Variants in ZFAT observed in about 807,000 individuals in gnomAD.
ZFAT encodes the protein zinc finger and AT-hook domain containing.
A neutral mutation model predicts 117.7 loss-of-function variants in ZFAT; 64 were observed. The observed-to-expected ratio is 0.54, with a 90% CI of 0.44 to 0.67. The LOEUF is 0.67. Among genes scored for constraint, ZFAT ranks in the 30% least tolerant of loss-of-function variants. The probability of loss-of-function intolerance (pLI) is 0.00; values close to 1 mark genes in which losing one functional copy is unlikely to be tolerated. For synonymous variants in ZFAT, 679 were observed against 615.0 expected, an observed-to-expected ratio of 1.10 and a Z score of -1.54; for missense variants, 1,433 against 1,584.5, an observed-to-expected ratio of 0.90 and a Z score of 1.62.
intron 11 of ZFAT, among the ~76,000 whole-genome samples, chr8:134,537,899 C>T (rs1254251782): frequency 6.6e-6 from 1 of 152,192 alleles, no homozygotes; most frequent in Admixed American, 6.5e-5. Flanking sequence ...AGGATGAATC[C>T]CAAGCTTCCA....
At chr8:134,735,359 A>C in the ZFAT span, among the ~76,000 whole-genome samples, 12 of 152,278 alleles carry the variant, frequency 7.9e-5, no homozygotes, top group Admixed American at 5.9e-4. Context: ...AAGCTTACAC[A>C]TGGGAAGTAG....
chr8:134,781,111 T>C, the ZFAT span, among the ~76,000 whole-genome samples: 14 of 152,146 alleles, frequency 9.2e-5, no homozygotes, highest in Non-Finnish European at 2.1e-4. Flanking sequence ...AAACTTTATA[T>C]ACTAGAAATC....
At chr8:134,776,019 T>G in the ZFAT span, among the ~76,000 whole-genome samples, 1 of 152,256 alleles carries the variant, frequency 6.6e-6, no homozygotes. Context: ...ATCTTTATGA[T>G]AGCCAAAGCT....
chr8:134,587,195 A>G (rs1268438524), intron 9 of ZFAT, among the ~76,000 whole-genome samples: 2 of 152,110 alleles, frequency 1.3e-5, no homozygotes, highest in African/African-American at 2.4e-5. Flanking sequence ...GACACAAAGC[A>G]CCCAGTCCAT....
the ZFAT span, among the ~76,000 whole-genome samples, chr8:134,789,364 T>G: frequency 6.6e-6 from 1 of 152,208 alleles, no homozygotes; most frequent in African/African-American, 2.4e-5. Flanking sequence ...TCCTTCAAAT[T>G]TACCCACATA....
In ZFAT at chr8:134,589,636, G is replaced by A. The variant is rs192566653; in HGVS notation, c.2563+632C>T. On this transcript the variant is annotated intron_variant, in intron 8 of 15. Transcript: ENST00000377838. ...CAGTGACTTGAGCACAGCGGTCAGT[G>A]CGCCCTGTGTGACGTTAGCAGGGGT... Among the ~76,000 whole-genome samples, 28 of 152,318 alleles carry A rather than the reference G, an allele frequency of 1.8e-4. No homozygotes were observed. The East Asian group carries it at 5.2e-3, about 28-fold the overall frequency.
chr8:134,560,713 T>C (rs574761005), intron 11 of ZFAT, among the ~76,000 whole-genome samples: 12 of 152,228 alleles, frequency 7.9e-5, no homozygotes, highest in South Asian at 4.1e-4. Flanking sequence ...ATGGAAGGAT[T>C]TGGAAGAAAG....
At chr8:134,775,614 C>A in the ZFAT span, among the ~76,000 whole-genome samples, 1 of 152,222 alleles carries the variant, frequency 6.6e-6, no homozygotes, top group Non-Finnish European at 1.5e-5. Flanking sequence ...TTGGCAAATA[C>A]TCCCAAGACA....
At chr8:134,702,661 ATTTCTTTTTTTTTT>A (rs1398046391) in intron 1 of ZFAT, among the ~76,000 whole-genome samples, 2 of 146,016 alleles carry the variant, frequency 1.4e-5, no homozygotes, top group Non-Finnish European at 3.0e-5. Context: ...CCAAATCTCT[ATTTCTTTTTTTTTT>A]TTTCTTTTTT....
intron 15 of ZFAT, among the ~76,000 whole-genome samples, chr8:134,486,972 G>GT (rs1329439628): frequency 6.6e-6 from 1 of 152,170 alleles, no homozygotes; most frequent in Non-Finnish European, 1.5e-5. Flanking sequence ...ATGTACAGGT[G>GT]TGTGTCCATG....
At chr8:134,667,524 G>A (rs1364540573) in intron 1 of ZFAT, among the ~76,000 whole-genome samples, 1 of 143,806 alleles carries the variant, frequency 7.0e-6, no homozygotes, top group Non-Finnish European at 1.5e-5. Context: ...ATAGATGACA[G>A]GTTGATAGGT....
chr8:134,736,326 G>A, the ZFAT span, among the ~76,000 whole-genome samples: 2 of 152,080 alleles, frequency 1.3e-5, no homozygotes. Flanking sequence ...CCCTCATGAC[G>A]ACCTTTCATG....
chr8:134,721,596 C>T, the ZFAT span, among the ~76,000 whole-genome samples: 20 of 152,340 alleles, frequency 1.3e-4, no homozygotes, highest in East Asian at 3.9e-3. Context: ...AACTCTGAGC[C>T]TCTGCATGTG....
At chr8:134,623,163 C>T (rs1388793686) in intron 3 of ZFAT, among the ~76,000 whole-genome samples, 4 of 152,124 alleles carry the variant, frequency 2.6e-5, no homozygotes, top group East Asian at 1.9e-4. Context: ...GATACTGCTC[C>T]GGCTCAAGTC....
intron 2 of ZFAT, among the ~76,000 whole-genome samples, chr8:134,641,460 A>G (rs1322342099): frequency 6.6e-6 from 1 of 152,180 alleles, no homozygotes; most frequent in Non-Finnish European, 1.5e-5. Flanking sequence ...TTAAGACCTC[A>G]GTGCCTCCTC....
chr8:134,743,744 C>T, the ZFAT span, among the ~76,000 whole-genome samples: 4 of 152,174 alleles, frequency 2.6e-5, no homozygotes, highest in South Asian at 4.2e-4. Flanking sequence ...GCCCCAGAAG[C>T]GTCTGTCTCT....
At chr8:134,582,935 A>C (rs948114164) in intron 10 of ZFAT, among the ~76,000 whole-genome samples, 1 of 152,242 alleles carries the variant, frequency 6.6e-6, no homozygotes, top group Non-Finnish European at 1.5e-5. Flanking sequence ...ATACATTTAT[A>C]AAGTTTATTA....
chr8:134,601,458 C>A lies in ZFAT; in HGVS notation c.2242+19G>T, dbSNP rs184627352. The stretch of plus-strand genomic sequence containing the variant: ...GATGGTTGTGGACAGGGCCACGCAC[C>A]GGCGCTGCCTTTCCTTACCACAGTA... On this transcript the variant is annotated intron_variant, in intron 6 of 15. Transcript: ENST00000377838. 1.3e-6 allele frequency: 2 copies of A among 1,585,220 alleles called. No homozygotes were observed. Among genetic ancestry groups the A allele is most frequent in the Admixed American group, 3.4e-5 (2 of 58,408 alleles).
At chr8:134,491,594 C>A (rs1408580887) in intron 15 of ZFAT, among the ~76,000 whole-genome samples, 2 of 152,204 alleles carry the variant, frequency 1.3e-5, no homozygotes, top group Non-Finnish European at 2.9e-5. Context: ...CTTGGCTTTT[C>A]CAGCTTCTAG....
Sources: allele counts gnomAD v4.1 joint callset (sites outside exome capture counted in the v4.1 genomes callset), GRCh38; gene constraint gnomAD v4.1.1; transcripts MANE v1.5; gene names NCBI Gene and HGNC (gene_info 2026-07-23, HGNC 2026-07-21).